Variants in PRKACB observed in about 807,000 individuals in gnomAD.
PRKACB encodes cAMP-dependent protein kinase catalytic subunit beta.
A neutral mutation model predicts 51.4 loss-of-function variants in PRKACB; 16 were observed. That is an observed-to-expected ratio of 0.31 (90% CI 0.21 to 0.47). PRKACB has a LOEUF of 0.47. Ranked by LOEUF, PRKACB falls within the 20% of genes least tolerant of loss-of-function variation. The pLI, the probability that PRKACB is intolerant of heterozygous loss-of-function variation, is 1.00. For missense variants in PRKACB, 309 were observed against 464.5 expected, an observed-to-expected ratio of 0.67 and a Z score of 3.08; for synonymous variants, 147 against 154.4, an observed-to-expected ratio of 0.95 and a Z score of 0.35.
intron 1 of PRKACB, among the ~76,000 whole-genome samples, chr1:84,161,998 C>T (rs1365228068): frequency 6.6e-6 from 1 of 151,988 alleles, no homozygotes; most frequent in East Asian, 1.9e-4. Flanking sequence ...CTGCTTACAA[C>T]AAATATCCTC....
chr1:84,188,479 A>G (rs1364485419), intron 5 of PRKACB, among the ~76,000 whole-genome samples: 2 of 151,962 alleles, frequency 1.3e-5, no homozygotes, highest in Non-Finnish European at 2.9e-5. Context: ...ACAAAAATCT[A>G]GAATAGCCAT....
chr1:84,133,329 TCAAA>T (rs1174674538), intron 1 of PRKACB, among the ~76,000 whole-genome samples: 10 of 152,026 alleles, frequency 6.6e-5, no homozygotes, highest in Non-Finnish European at 1.2e-4. Context: ...AAATACCTTC[TCAAA>T]CAAATACTAA....
chr1:84,087,867 G>A (rs1648140868), intron 1 of PRKACB, among the ~76,000 whole-genome samples: 1 of 152,016 alleles, frequency 6.6e-6, no homozygotes, highest in African/African-American at 2.4e-5. Flanking sequence ...ATTTTAATTG[G>A]CTATAATTAA....
At chr1:84,087,057 A>G (rs1209092392) in intron 1 of PRKACB, among the ~76,000 whole-genome samples, 1 of 152,270 alleles carries the variant, frequency 6.6e-6, no homozygotes, top group Non-Finnish European at 1.5e-5. Context: ...AATGTTCGCC[A>G]TCAGGGCAGA....
intron 1 of PRKACB, among the ~76,000 whole-genome samples, chr1:84,167,571 A>G (rs1018417669): frequency 1.5e-4 from 22 of 151,630 alleles, no homozygotes; most frequent in African/African-American, 4.8e-4. Flanking sequence ...ATAAATTTGT[A>G]TGTCACTTTC....
intron 9 of PRKACB, among the ~76,000 whole-genome samples, chr1:84,217,384 C>T (rs1673029978): frequency 6.6e-6 from 1 of 152,062 alleles, no homozygotes; most frequent in South Asian, 2.1e-4. Flanking sequence ...ATCTCAGTAG[C>T]CAATTAAAAT....
intron 1 of PRKACB, among the ~76,000 whole-genome samples, chr1:84,146,299 C>T (rs563722472): frequency 1.1e-4 from 16 of 151,828 alleles, no homozygotes; most frequent in Non-Finnish European, 2.1e-4. Flanking sequence ...CTACTTGACT[C>T]TCCTTTTTAT....
chr1:84,097,929 A>G (rs1244803479), intron 1 of PRKACB, among the ~76,000 whole-genome samples: 1 of 152,120 alleles, frequency 6.6e-6, no homozygotes. Context: ...TCAAATGCTA[A>G]TCTCTTACAG....
rs113783713 is a variant in PRKACB, at chr1:84,198,261, G to T, written c.783+437G>T. Among the ~76,000 whole-genome samples, 5 of 152,244 alleles carry T rather than the reference G, an allele frequency of 3.3e-5. 1 individual carries two copies. The highest frequency in any genetic ancestry group is 1.2e-4 in the African/African-American group (5 of 41,574). On this transcript the variant is annotated intron_variant, in intron 7 of 9. Coordinates refer to ENST00000370685, the MANE Select transcript of PRKACB (RefSeq NM_182948.4). ...AGAAGTGTTTTTAAATTTTAAATAG[G>T]ACTATTAACAGCAATTGAATAGTTT...
intron 1 of PRKACB, 54 bp downstream of exon 1, chr1:84,144,602 G>A (rs1295549846): frequency 1.3e-6 from 2 of 1,483,646 alleles, no homozygotes; most frequent in Non-Finnish European, 9.0e-7. Flanking sequence ...AATGGTAATT[G>A]GAGTTTTACA....
At chr1:84,111,969 G>A (rs1650266066) in intron 1 of PRKACB, among the ~76,000 whole-genome samples, 1 of 152,078 alleles carries the variant, frequency 6.6e-6, no homozygotes, top group African/African-American at 2.4e-5. Flanking sequence ...TAGTAGTCAA[G>A]AAGACTAATT....
chr1:84,208,879 G>T (rs1211100270), intron 8 of PRKACB, among the ~76,000 whole-genome samples: 1 of 152,204 alleles, frequency 6.6e-6, no homozygotes, highest in African/African-American at 2.4e-5. Flanking sequence ...TGCAGAGCAT[G>T]TATGTAAGTA....
At chr1:84,139,797 G>A (rs554153215), upstream of PRKACB, among the ~76,000 whole-genome samples, 2 of 152,298 alleles carry the variant, frequency 1.3e-5, no homozygotes, top group East Asian at 1.9e-4. Flanking sequence ...TGTGGCTTAC[G>A]CCTGTAATCC....
chr1:84,112,309 T>G (rs1334733813), intron 1 of PRKACB, among the ~76,000 whole-genome samples: 2 of 148,242 alleles, frequency 1.3e-5, no homozygotes, highest in East Asian at 4.0e-4. Context: ...CTCAGCTCAC[T>G]GCAACCTCCA....
At chr1:84,143,346 G>T (rs1161374089), upstream of PRKACB, among the ~76,000 whole-genome samples, 2 of 152,132 alleles carry the variant, frequency 1.3e-5, no homozygotes, top group African/African-American at 2.4e-5. Flanking sequence ...CAGCTACTCG[G>T]ATGTCTGAGG....
chr1:84,212,443 A>G (rs999211413), intron 8 of PRKACB, among the ~76,000 whole-genome samples: 7 of 147,286 alleles, frequency 4.8e-5, no homozygotes, highest in Middle Eastern at 3.2e-3. Context: ...TTTAACTTCT[A>G]CTTTGAGAAC....
At chr1:84,223,381 T>TTG (rs1674058736) in intron 9 of PRKACB, among the ~76,000 whole-genome samples, 1 of 149,834 alleles carries the variant, frequency 6.7e-6, no homozygotes, top group African/African-American at 2.4e-5. Flanking sequence ...TTTTTTTGTT[T>TTG]TTTTTGAAAT....
chr1:84,089,911 A>G (rs1648317514), intron 1 of PRKACB, among the ~76,000 whole-genome samples: 1 of 152,068 alleles, frequency 6.6e-6, no homozygotes, highest in Non-Finnish European at 1.5e-5. Context: ...CTTCTTAACC[A>G]TTCTAGATTA....
At chr1:84,172,046 T>C (rs1159444953) in intron 1 of PRKACB, among the ~76,000 whole-genome samples, 1 of 151,630 alleles carries the variant, frequency 6.6e-6, no homozygotes, top group Non-Finnish European at 1.5e-5. Context: ...AGACATGATT[T>C]TTTATACTCA....
Sources: gnomAD v4.1 joint callset for allele counts (sites outside exome capture counted in the v4.1 genomes callset) on GRCh38, gnomAD v4.1.1 for gene constraint, MANE v1.5 for transcripts, NCBI Gene and HGNC (gene_info 2026-07-23, HGNC 2026-07-21) for gene names.